PRPF18: variants seen among roughly 807,000 people sequenced by gnomAD.
PRPF18 encodes pre-mRNA processing factor 18, also known as pre-mRNA-splicing factor 18.
PRPF18 carries 38 observed loss-of-function variants against 46.5 expected under a neutral mutation model. That is an observed-to-expected ratio of 0.82 (90% confidence interval 0.63 to 1.07). The LOEUF is 1.07. Ranked by LOEUF, PRPF18 falls within the 50% of genes least tolerant of loss-of-function variation. PRPF18 has a pLI of 0.00. For missense variants in PRPF18, 263 were observed against 410.0 expected (o/e 0.64, Z 3.10); for synonymous variants, 152 against 146.7 (o/e 1.04, Z -0.26).
At chr10:13,613,905 T>C (rs761270026) in intron 7 of PRPF18, 24 bp downstream of exon 7, 1 of 1,594,846 alleles carries the variant, frequency 6.3e-7, no homozygotes, top group Non-Finnish European at 8.5e-7. Flanking sequence ...GAAAATACTT[T>C]TTTTAACTGA....
chr10:13,594,234 A>G lies in PRPF18; in HGVS notation c.67-3224A>G, dbSNP rs201646935. Among the ~76,000 whole-genome samples, 32 of 152,372 alleles carry G rather than the reference A, an allele frequency of 2.1e-4. 1 individual carries two copies. The East Asian group carries it at 5.6e-3, about 27-fold the overall frequency. On this transcript the variant is annotated intron_variant, in intron 1 of 9. Transcript: ENST00000378572. Reference sequence around the variant, plus strand: ...GAAAAGACTATATTTGCGAAAACAAACACTTCAGTGAGAAAAGTGACATTG... The same window carrying G: ...GAAAAGACTATATTTGCGAAAACAAGCACTTCAGTGAGAAAAGTGACATTG...
intron 9 of PRPF18, among the ~76,000 whole-genome samples, chr10:13,621,668 A>G (rs1480473121): frequency 1.3e-5 from 2 of 152,222 alleles, no homozygotes; most frequent in African/African-American, 4.8e-5. Flanking sequence ...CGCTATGTAT[A>G]GATGAATTGA....
At chr10:13,588,406 C>CAA (rs79679505) in intron 1 of PRPF18, among the ~76,000 whole-genome samples, 197 of 128,298 alleles carry the variant, frequency 1.5e-3, no homozygotes, top group African/African-American at 5.4e-3. Flanking sequence ...GACACCGTCT[C>CAA]AAAAAAAAAA....
downstream of PRPF18, chr10:13,632,928 T>G (rs1041569463): frequency 1.3e-5 from 2 of 152,182 alleles, no homozygotes; most frequent in Non-Finnish European, 2.9e-5. Flanking sequence ...CTCCCCAGAC[T>G]CCTATCCATT....
chr10:13,630,163 A>G, intron 9 of PRPF18, 97 bp from the exon 10 acceptor site: 1 of 1,016,588 alleles, frequency 9.8e-7, no homozygotes, highest in Non-Finnish European at 1.5e-6. Flanking sequence ...GCTGCATTTT[A>G]TGGGGACATT....
chr10:13,592,811 C>CT, intron 1 of PRPF18, among the ~76,000 whole-genome samples: 1 of 152,186 alleles, frequency 6.6e-6, no homozygotes. Context: ...AGAATTTTAG[C>CT]TTTTTTTCCT....
At chr10:13,594,388 C>A (rs916760724) in intron 1 of PRPF18, among the ~76,000 whole-genome samples, 2 of 152,120 alleles carry the variant, frequency 1.3e-5, no homozygotes, top group African/African-American at 4.8e-5. Context: ...ATCTTAATAG[C>A]CTTTTCAGAT....
downstream of PRPF18, among the ~76,000 whole-genome samples, chr10:13,635,800 T>G (rs747062063): frequency 5.9e-5 from 9 of 152,210 alleles, no homozygotes; most frequent in Non-Finnish European, 1.2e-4. Context: ...GGAAATGACC[T>G]GTTAGATGAA....
the PRPF18 span, chr10:13,638,126 T>G: frequency 6.6e-6 from 1 of 152,078 alleles, no homozygotes; most frequent in Non-Finnish European, 1.5e-5. Context: ...TGTGGGTGAG[T>G]GGGACTGCCT....
At chr10:13,616,290 A>T in intron 8 of PRPF18, 108 bp from the exon 9 acceptor site, 1 of 1,203,894 alleles carries the variant, frequency 8.3e-7, no homozygotes. Context: ...ATGTGCCCAA[A>T]AGGTGGACGA....
chr10:13,654,279 T>C, the PRPF18 span: 1 of 696,794 alleles, frequency 1.4e-6, no homozygotes, highest in Non-Finnish European at 2.6e-6. Flanking sequence ...ATCATGGGGC[T>C]TCTCTTGAAA....
intron 4 of PRPF18, among the ~76,000 whole-genome samples, chr10:13,608,549 T>G (rs2080223610): frequency 6.6e-6 from 1 of 152,246 alleles, no homozygotes; most frequent in South Asian, 2.1e-4. Flanking sequence ...GTTTCTGCCT[T>G]GTATGCTCTG....
At chr10:13,607,158 C>G (rs2080200038) in intron 4 of PRPF18, among the ~76,000 whole-genome samples, 1 of 152,206 alleles carries the variant, frequency 6.6e-6, no homozygotes, top group Admixed American at 6.5e-5. Context: ...GTGGCATAAT[C>G]ATGGCTCATG....
the PRPF18 span, chr10:13,649,509 A>G: frequency 2.2e-5 from 3 of 135,320 alleles, no homozygotes; most frequent in Non-Finnish European, 5.2e-5. Context: ...GAGCCGCAGT[A>G]TGGAAACCAC....
chr10:13,638,420 C>T, the PRPF18 span, among the ~76,000 whole-genome samples: 11 of 147,712 alleles, frequency 7.4e-5, no homozygotes, highest in South Asian at 4.3e-4. Context: ...AAAGTTGTTG[C>T]GGGGGAGGGA....
At chr10:13,593,294 A>G (rs977924113) in intron 1 of PRPF18, among the ~76,000 whole-genome samples, 6 of 152,382 alleles carry the variant, frequency 3.9e-5, no homozygotes, top group Admixed American at 2.6e-4. Flanking sequence ...TGAGGAAGAC[A>G]TAAGAAGAAT....
chr10:13,595,339 G>C (rs1589118507), intron 1 of PRPF18, among the ~76,000 whole-genome samples: 1 of 152,238 alleles, frequency 6.6e-6, no homozygotes, highest in Non-Finnish European at 1.5e-5. Context: ...GGTCATCAAA[G>C]ATAACATAGT....
At chr10:13,654,812 G>C in the PRPF18 span, 1 of 459,188 alleles carries the variant, frequency 2.2e-6, no homozygotes, top group South Asian at 3.9e-5. Context: ...CCACCAGGAG[G>C]TAGGCATAGG....
intron 3 of PRPF18, among the ~76,000 whole-genome samples, chr10:13,600,649 A>G (rs985675947): frequency 5.3e-5 from 8 of 152,178 alleles, no homozygotes; most frequent in Non-Finnish European, 1.0e-4. Context: ...TATTTTAATT[A>G]TTATTTTGTA....
Sources: allele counts gnomAD v4.1 joint callset (sites outside exome capture counted in the v4.1 genomes callset), GRCh38; gene constraint gnomAD v4.1.1; transcripts MANE v1.5; gene names NCBI Gene and HGNC (gene_info 2026-07-23, HGNC 2026-07-21).